The following TBC1D1 variants were observed in gnomAD, a reference collection of about 807,000 sequenced individuals.
TBC1D1 encodes TBC1 domain family member 1.
A neutral mutation model predicts 125.6 loss-of-function variants in TBC1D1; 89 were observed. The observed-to-expected ratio is 0.71, with a 90% CI of 0.60 to 0.85. The LOEUF (loss-of-function observed/expected upper bound fraction) is 0.85, where lower values mean the gene tolerates loss of function less well. TBC1D1 is among the 40% of genes least tolerant of loss of function. TBC1D1 has a pLI of 0.00. For missense variants in TBC1D1, 1,377 were observed against 1,469.2 expected (o/e 0.94, Z 1.03); for synonymous variants, 565 against 564.1 (o/e 1.00, Z -0.02).
In TBC1D1 at chr4:37,992,744, C is replaced by T. The variant is rs549929980; in HGVS notation, c.418-21765C>T. ...TCCTGACCTCGTGATCTGCCCGCCTCGGCCTCCCAAAGTGCTGGGATTACA... is the reference window on the plus strand; with the variant it reads ...TCCTGACCTCGTGATCTGCCCGCCTTGGCCTCCCAAAGTGCTGGGATTACA... On this transcript the variant is annotated intron_variant, in intron 2 of 19. Transcript: ENST00000261439. Among the ~76,000 whole-genome samples, 8 of 151,314 alleles carry T rather than the reference C, an allele frequency of 5.3e-5. No individual in the cohort carries two copies. The South Asian group carries it at 8.4e-4, about 16-fold the overall frequency.
At chr4:37,975,543 C>T (rs1420566158) in intron 2 of TBC1D1, among the ~76,000 whole-genome samples, 2 of 152,172 alleles carry the variant, frequency 1.3e-5, no homozygotes, top group Non-Finnish European at 2.9e-5. Flanking sequence ...TGCTAAGTAG[C>T]GGGTGTTTTT....
In TBC1D1 at chr4:38,137,385, A is replaced by T; in HGVS notation, c.*50A>T. ...ACCATCCCACACTGTCCAGGCCTTA[A>T]CTGAGAGGGACAGAAGACGCTGGAA... On this transcript the variant is annotated 3_prime_UTR_variant, in exon 20 of 20. Transcript: ENST00000261439. The T allele has an allele frequency of 2.0e-6, 3 of 1,471,056 alleles. No homozygotes were observed. The highest frequency in any genetic ancestry group is 1.8e-6 in the Non-Finnish European group (2 of 1,107,988). 91.1% of individuals were successfully genotyped at this position (1,471,056 alleles called of 1,614,324 possible).
chr4:37,927,642 A>T (rs894136048), intron 2 of TBC1D1, among the ~76,000 whole-genome samples: 1 of 152,254 alleles, frequency 6.6e-6, no homozygotes, highest in Non-Finnish European at 1.5e-5. Flanking sequence ...GCCATTATGC[A>T]AATGAAATGT....
intron 6 of TBC1D1, among the ~76,000 whole-genome samples, 157 bp from the exon 7 acceptor site, chr4:38,027,631 A>G (rs1017378278): frequency 6.6e-6 from 1 of 151,800 alleles, no homozygotes; most frequent in Non-Finnish European, 1.5e-5. Context: ...GTGGGATTCC[A>G]TGTCAAAAAA....
intron 2 of TBC1D1, among the ~76,000 whole-genome samples, chr4:37,935,423 C>T (rs143913379): frequency 1.7e-4 from 26 of 152,278 alleles, no homozygotes; most frequent in Admixed American, 3.3e-4. Context: ...GCTATTGACA[C>T]CTGGGAGTCG....
intron 17 of TBC1D1, among the ~76,000 whole-genome samples, chr4:38,122,876 A>T (rs536979477): frequency 6.6e-6 from 1 of 152,232 alleles, no homozygotes; most frequent in African/African-American, 2.4e-5. Flanking sequence ...ATTTTTTAAC[A>T]TATCAATAAA....
chr4:37,978,724 C>G (rs2152361382), intron 2 of TBC1D1, among the ~76,000 whole-genome samples: 1 of 121,816 alleles, frequency 8.2e-6, no homozygotes, highest in Middle Eastern at 5.1e-3. Flanking sequence ...AGATGACTTT[C>G]AAAAACGTTT....
At chr4:38,073,986 G>T (rs1755147767) in intron 12 of TBC1D1, among the ~76,000 whole-genome samples, 1 of 152,214 alleles carries the variant, frequency 6.6e-6, no homozygotes, top group Non-Finnish European at 1.5e-5. Context: ...AGGGAGGATG[G>T]TCACATTGCC....
intron 12 of TBC1D1, among the ~76,000 whole-genome samples, chr4:38,081,559 C>A (rs1756560622): frequency 6.6e-6 from 1 of 152,156 alleles, no homozygotes; most frequent in Non-Finnish European, 1.5e-5. Context: ...TTATCCCCAA[C>A]CCCAGTCTGA....
At chr4:38,087,863 G>T (rs60214489) in intron 12 of TBC1D1, among the ~76,000 whole-genome samples, 3 of 83,942 alleles carry the variant, frequency 3.6e-5, no homozygotes, top group Non-Finnish European at 6.5e-5. Flanking sequence ...AAAAAAAAAA[G>T]AAAAAAAAAA....
chr4:37,980,251 G>A (rs1422391136), intron 2 of TBC1D1, among the ~76,000 whole-genome samples: 1 of 152,176 alleles, frequency 6.6e-6, no homozygotes, highest in African/African-American at 2.4e-5. Flanking sequence ...AAAAAAAATT[G>A]GACATGATCT....
At position 37,977,789 on chromosome 4, in the gene TBC1D1, G is replaced by A. The variant is rs893573845; in HGVS notation, c.418-36720G>A. 6.6e-6 allele frequency among the ~76,000 whole-genome samples: 1 copy of A among 152,118 alleles called. No individual in the cohort carries two copies. The highest frequency in any genetic ancestry group is 1.5e-5 in the Non-Finnish European group (1 of 68,002). On this transcript the variant is annotated intron_variant, in intron 2 of 19. Transcript: ENST00000261439. The surrounding 1 kb of genome is among the most constrained non-coding windows in gnomAD (Gnocchi z 4.3). ...AGGCTGTACTCGGGGACCCCTGCGGGAGCCCGAACCCAGCAGGCGGCTCCT... is the reference window on the plus strand; with the variant it reads ...AGGCTGTACTCGGGGACCCCTGCGGAAGCCCGAACCCAGCAGGCGGCTCCT...
intron 2 of TBC1D1, among the ~76,000 whole-genome samples, chr4:38,002,429 AT>A (rs1249065389): frequency 1.3e-5 from 2 of 152,166 alleles, no homozygotes; most frequent in Non-Finnish European, 2.9e-5. Context: ...TTCTGCAAAT[AT>A]TTGTTGTATG....
intron 12 of TBC1D1, among the ~76,000 whole-genome samples, chr4:38,079,199 T>C (rs188954945): frequency 2.1e-3 from 322 of 152,308 alleles, no homozygotes; most frequent in Non-Finnish European, 3.7e-3. Context: ...CTTTTAGTAG[T>C]ATATTTTTCT....
At chr4:38,091,752 G>C (rs1057113860) in intron 13 of TBC1D1, among the ~76,000 whole-genome samples, 1 of 152,230 alleles carries the variant, frequency 6.6e-6, no homozygotes, top group Non-Finnish European at 1.5e-5. Flanking sequence ...TGCTGTGCAA[G>C]CAATGACCAG....
chr4:38,126,232 G>A (rs1268758384), intron 18 of TBC1D1, among the ~76,000 whole-genome samples: 2 of 152,148 alleles, frequency 1.3e-5, no homozygotes, highest in East Asian at 1.9e-4. Flanking sequence ...TAAAAATATG[G>A]TATTCTAATC....
intron 8 of TBC1D1, among the ~76,000 whole-genome samples, chr4:38,039,611 C>T (rs1023447765): frequency 2.0e-5 from 3 of 152,164 alleles, no homozygotes; most frequent in African/African-American, 4.8e-5. Flanking sequence ...TCCTTCTGAG[C>T]TGCTTGATTA....
At chr4:38,131,536 T>C (rs1043606114) in intron 18 of TBC1D1, among the ~76,000 whole-genome samples, 4 of 152,310 alleles carry the variant, frequency 2.6e-5, no homozygotes, top group Non-Finnish European at 4.4e-5. Context: ...AGGCGTGTGC[T>C]GGGAACTTCC....
intron 17 of TBC1D1, among the ~76,000 whole-genome samples, chr4:38,121,102 G>T (rs567620348): frequency 6.6e-6 from 1 of 152,150 alleles, no homozygotes; most frequent in Non-Finnish European, 1.5e-5. Context: ...ATGATGCCGC[G>T]TGATGATGAG....
Sources: gnomAD v4.1 joint callset for allele counts (sites outside exome capture counted in the v4.1 genomes callset) on GRCh38, gnomAD v4.1.1 for gene constraint, Gnocchi (gnomAD v3.1) non-coding constraint, MANE v1.5 for transcripts, NCBI Gene and HGNC (gene_info 2026-07-23, HGNC 2026-07-21) for gene names.